The following CSMD3 variants were observed in gnomAD, a reference collection of about 807,000 sequenced individuals.
CSMD3 encodes the protein CUB and Sushi multiple domains 3.
In CSMD3, 177 loss-of-function variants were observed where a neutral mutation model predicts 435.2. That is an observed-to-expected ratio of 0.41 (90% CI 0.36 to 0.46). The LOEUF (loss-of-function observed/expected upper bound fraction) is 0.46, where lower values mean the gene tolerates loss of function less well. CSMD3 is among the 20% of genes least tolerant of loss of function. The pLI is 0.34. For missense variants in CSMD3, 4,265 were observed against 4,504.6 expected (o/e 0.95, Z 1.52); for synonymous variants, 1,656 against 1,520.5 (o/e 1.09, Z -2.07).
chr8:112,366,791 A>C (rs979507766), intron 38 of CSMD3, among the ~76,000 whole-genome samples: 1 of 152,088 alleles, frequency 6.6e-6, no homozygotes, highest in African/African-American at 2.4e-5. Context: ...ATTTTTCTTA[A>C]GTTAATAATG....
chr8:112,629,304 C>CA (rs1212479009), intron 22 of CSMD3, among the ~76,000 whole-genome samples: 1 of 152,104 alleles, frequency 6.6e-6, no homozygotes, highest in Non-Finnish European at 1.5e-5. Context: ...TGGGCTCAGG[C>CA]AATCCTCTTG....
intron 3 of CSMD3, among the ~76,000 whole-genome samples, chr8:113,231,262 C>A (rs1312329938): frequency 6.6e-6 from 1 of 151,196 alleles, no homozygotes; most frequent in Non-Finnish European, 1.5e-5. Context: ...ACAGATACTT[C>A]TGTTTCATAA....
At chr8:112,395,166 T>C (rs1830759872) in intron 35 of CSMD3, among the ~76,000 whole-genome samples, 1 of 152,186 alleles carries the variant, frequency 6.6e-6, no homozygotes, top group Non-Finnish European at 1.5e-5. Flanking sequence ...TCTGTTCTGA[T>C]CAGTATTCAA....
intron 13 of CSMD3, among the ~76,000 whole-genome samples, chr8:112,767,723 A>T (rs2132178321): frequency 6.6e-6 from 1 of 151,892 alleles, no homozygotes; most frequent in South Asian, 2.1e-4. Flanking sequence ...TCTGTATATG[A>T]TTATCCACTT....
chr8:113,185,571 C>T (rs1234047541), intron 3 of CSMD3, among the ~76,000 whole-genome samples: 1 of 151,988 alleles, frequency 6.6e-6, no homozygotes, highest in East Asian at 1.9e-4. Context: ...CTGTTTTAGA[C>T]AACCAATGTT....
intron 6 of CSMD3, among the ~76,000 whole-genome samples, chr8:112,985,833 T>A (rs962925551): frequency 4.6e-5 from 7 of 152,122 alleles, no homozygotes; most frequent in Admixed American, 1.3e-4. Flanking sequence ...ACCACCTCAT[T>A]GCAAGAAAAC....
chr8:112,512,151 T>G (rs939226865), intron 28 of CSMD3, among the ~76,000 whole-genome samples: 1 of 152,214 alleles, frequency 6.6e-6, no homozygotes, highest in Non-Finnish European at 1.5e-5. Context: ...TTGATATTTC[T>G]TCTGCCTCTC....
chr8:112,876,730 T>G (rs2081293270), intron 10 of CSMD3, among the ~76,000 whole-genome samples: 1 of 152,148 alleles, frequency 6.6e-6, no homozygotes, highest in Non-Finnish European at 1.5e-5. Context: ...CTACTCGTAT[T>G]CAACATAGTA....
At chr8:113,101,748 T>C (rs1354446) in intron 4 of CSMD3, among the ~76,000 whole-genome samples, 102,103 of 151,884 alleles carry the variant, frequency 0.67, 35,939 homozygotes, top group East Asian at 0.95. Flanking sequence ...ACTCTTGTAC[T>C]GAGTTCTATG....
At chr8:112,957,280 T>C (rs1326826049) in intron 7 of CSMD3, among the ~76,000 whole-genome samples, 1 of 152,184 alleles carries the variant, frequency 6.6e-6, no homozygotes, top group African/African-American at 2.4e-5. Context: ...TTTAACCTGA[T>C]GCATTTCAGT....
At chr8:112,888,396 C>G (rs1340537063) in intron 10 of CSMD3, among the ~76,000 whole-genome samples, 1 of 151,642 alleles carries the variant, frequency 6.6e-6, no homozygotes, top group African/African-American at 2.4e-5. Context: ...ACAAAATTAC[C>G]TGTCTTAGAC....
At chr8:113,127,051 GCACCACAA>G (rs1406241060) in intron 4 of CSMD3, among the ~76,000 whole-genome samples, 1 of 151,746 alleles carries the variant, frequency 6.6e-6, no homozygotes, top group Non-Finnish European at 1.5e-5. Flanking sequence ...TGTTTACATA[GCACCACAA>G]CACCACTTTA....
At chr8:113,321,981 G>T (rs552049128) in intron 1 of CSMD3, among the ~76,000 whole-genome samples, 12 of 152,156 alleles carry the variant, frequency 7.9e-5, no homozygotes, top group African/African-American at 2.9e-4. Context: ...CCTCAGAGAG[G>T]CCTTTGTTTT....
intron 3 of CSMD3, among the ~76,000 whole-genome samples, chr8:113,220,542 T>C (rs1376144917): frequency 2.0e-5 from 3 of 151,418 alleles, no homozygotes; most frequent in Non-Finnish European, 4.4e-5. Context: ...CCTATACATA[T>C]AAAATGATCA....
Position 112,281,228 on chromosome 8 carries a change from C to T in CSMD3, c.9454G>A (p.Val3152Ile), listed in dbSNP as rs1262828565. Reference sequence around the variant, plus strand: ...GTTCCATTGGCTGTGCACTGTCTAACTGAAGGTCCAGAAAGGATGTATCCC... The same window carrying T: ...GTTCCATTGGCTGTGCACTGTCTAATTGAAGGTCCAGAAAGGATGTATCCC... ...MEGYILSGPS[V>I]RQCTANGTWS... The change falls in exon 59 of 71, where the codon GTT becomes ATT. Residue 3152 changes from valine to isoleucine, a missense_variant. Around this residue, in one of 3 missense-constraint regions of CSMD3, gnomAD observed 3,255 missense variants for 3,380.2 expected, o/e 0.96. Transcript: ENST00000297405. 1 of 1,613,388 alleles carries T rather than the reference C, an allele frequency of 6.2e-7. No individual in the cohort carries two copies. The highest frequency in any genetic ancestry group is 1.3e-5 in the African/African-American group (1 of 74,892).
intron 23 of CSMD3, among the ~76,000 whole-genome samples, chr8:112,580,053 T>C (rs145489727): frequency 6.6e-6 from 1 of 152,150 alleles, no homozygotes; most frequent in East Asian, 1.9e-4. Context: ...TTCTGAACAT[T>C]GTCCTTAGTT....
At chr8:112,465,560 C>A (rs1411575415) in intron 32 of CSMD3, among the ~76,000 whole-genome samples, 1 of 152,092 alleles carries the variant, frequency 6.6e-6, no homozygotes, top group African/African-American at 2.4e-5. Context: ...ATCATAAGCA[C>A]ACATGATAAT....
At chr8:112,533,109 C>T (rs1389016391) in intron 27 of CSMD3, among the ~76,000 whole-genome samples, 1 of 151,630 alleles carries the variant, frequency 6.6e-6, no homozygotes, top group Non-Finnish European at 1.5e-5. Context: ...AAAACATAGA[C>T]TTATAATAGA....
rs1260314609 is a variant in CSMD3 at position 113,248,384 on chromosome 8, AAT to A, written c.514+30206_514+30207del. On this transcript the variant is annotated intron_variant, in intron 3 of 70. Coordinates refer to ENST00000297405, the MANE Select transcript of CSMD3 (RefSeq NM_198123.2). ...ACATACAATAGAGATTTTAGTATAT[AAT>A]ATACACTATAGAGATTATAGAGATT... Among the ~76,000 whole-genome samples the A allele has an allele frequency of 2.7e-5, 4 of 149,204 alleles. No individual in the cohort carries two copies. The East Asian group carries it at 7.9e-4, about 29-fold the overall frequency.
Sources: allele counts gnomAD v4.1 joint callset (sites outside exome capture counted in the v4.1 genomes callset), GRCh38; gene constraint gnomAD v4.1.1; regional missense constraint gnomAD v4.1.1; transcripts MANE v1.5; gene names NCBI Gene and HGNC (gene_info 2026-07-23, HGNC 2026-07-21).